Variants in SUN5 observed in about 807,000 individuals in gnomAD.
SUN5 encodes the protein Sad1 and UNC84 domain containing 5.
Under a neutral mutation model 53.7 loss-of-function variants are expected in SUN5, and 44 were observed. The ratio of observed to expected loss-of-function variants is 0.82; its 90% CI spans 0.64 to 1.05. The LOEUF (loss-of-function observed/expected upper bound fraction) is 1.05, where lower values mean the gene tolerates loss of function less well. Ranked by LOEUF, SUN5 falls within the 50% of genes least tolerant of loss-of-function variation. SUN5 has a pLI of 0.00. For synonymous variants in SUN5, 166 were observed against 179.8 expected (o/e 0.92, Z 0.62); for missense variants, 433 against 483.8 (o/e 0.90, Z 0.98).
intron 5 of SUN5, among the ~76,000 whole-genome samples, chr20:32,998,449 C>G (rs1268387612): frequency 1.3e-5 from 2 of 152,114 alleles, no homozygotes; most frequent in African/African-American, 4.8e-5. Context: ...GCCTGGGTGA[C>G]AGAGACTCTG....
intron 2 of SUN5, 92 bp downstream of exon 2, chr20:33,002,768 CT>C: frequency 6.3e-7 from 1 of 1,599,508 alleles, no homozygotes; most frequent in Non-Finnish European, 8.6e-7. Context: ...GCCCCTGCCC[CT>C]TGCTGGGTAG....
chr20:32,988,075 C>T (rs1039553587), intron 9 of SUN5, among the ~76,000 whole-genome samples: 2 of 151,876 alleles, frequency 1.3e-5, no homozygotes, highest in African/African-American at 4.8e-5. Flanking sequence ...CTCATGGTGG[C>T]TATTATTAGC....
At chr20:32,984,969 G>T in intron 12 of SUN5, 130 bp downstream of exon 12, 1 of 922,852 alleles carries the variant, frequency 1.1e-6, no homozygotes, top group Non-Finnish European at 1.7e-6. Context: ...CAGTTTCCTT[G>T]CCTGTCAAAC....
At chr20:32,993,223 G>A (rs118035587) in intron 8 of SUN5, among the ~76,000 whole-genome samples, 4,831 of 152,332 alleles carry the variant, frequency 0.032, 104 homozygotes, top group Non-Finnish European at 0.048. Context: ...CAAAGGCCAG[G>A]AGTTTCCAGA....
intron 7 of SUN5, 48 bp from the exon 8 acceptor site, chr20:32,995,775 T>G: frequency 6.5e-7 from 1 of 1,542,964 alleles, no homozygotes; most frequent in Non-Finnish European, 9.0e-7. Flanking sequence ...TGTGATGCGT[T>G]GTTGTTACCC....
chr20:32,993,417 C>CCAGA (rs1989757627), intron 8 of SUN5, among the ~76,000 whole-genome samples: 1 of 152,140 alleles, frequency 6.6e-6, no homozygotes, highest in African/African-American at 2.4e-5. Flanking sequence ...TGGGCTTAGG[C>CCAGA]CAGACAATGG....
At chr20:32,997,267 C>T (rs958121196) in intron 6 of SUN5, among the ~76,000 whole-genome samples, 1 of 152,142 alleles carries the variant, frequency 6.6e-6, no homozygotes, top group Non-Finnish European at 1.5e-5. Context: ...TCCTCAGAAA[C>T]CTGAAAGCAA....
At chr20:32,996,054 G>A (rs1365421689) in intron 7 of SUN5, among the ~76,000 whole-genome samples, 2 of 152,242 alleles carry the variant, frequency 1.3e-5, no homozygotes, top group East Asian at 1.9e-4. Flanking sequence ...TATGGGTCAG[G>A]AGCTATTCAA....
intron 8 of SUN5, among the ~76,000 whole-genome samples, chr20:32,992,659 A>G (rs1989740658): frequency 6.6e-6 from 1 of 152,232 alleles, no homozygotes; most frequent in Non-Finnish European, 1.5e-5. Context: ...AAGCCACGCT[A>G]TAGCCTGGGA....
rs1349342760 is a variant in SUN5, at chr20:33,003,397, C to G, written c.78-478G>C. ...ACCCACAGAAAACGATGCTTATTCT[C>G]CTTCCCCTAGACGCCACATTTCTGC... On this transcript the variant is annotated intron_variant, in intron 1 of 12. Transcript: ENST00000356173. Among the ~76,000 whole-genome samples the G allele has an allele frequency of 2.6e-5, 4 of 152,070 alleles. No individual in the cohort carries two copies. The East Asian group carries it at 7.7e-4, about 29-fold the overall frequency.
chr20:32,997,705 TAAGA>T lies in SUN5; in HGVS notation c.341-22_341-19del. Reference sequence around the variant, plus strand: ...CCAGAATCCTGTGAGGCCATGAGAATAAGAATGAGCCATTTAACATGCAAGATGA... The same window carrying T: ...CCAGAATCCTGTGAGGCCATGAGAATATGAGCCATTTAACATGCAAGATGA... On this transcript the variant is annotated intron_variant, in intron 5 of 12. Transcript: ENST00000356173. The T allele has an allele frequency of 6.2e-7, 1 of 1,613,630 alleles. No individual in the cohort carries two copies. The highest frequency in any genetic ancestry group is 1.7e-5 in the Admixed American group (1 of 59,980).
intron 10 of SUN5, among the ~76,000 whole-genome samples, chr20:32,987,159 G>C (rs1989566727): frequency 6.6e-6 from 1 of 152,198 alleles, no homozygotes; most frequent in South Asian, 2.1e-4. Flanking sequence ...TCATCTGTGA[G>C]GCAGGATCCT....
chr20:32,985,229 GC>G, intron 11 of SUN5, 44 bp from the exon 12 acceptor site: 1 of 1,582,490 alleles, frequency 6.3e-7, no homozygotes, highest in Middle Eastern at 1.7e-4. Context: ...TACAAGCAGG[GC>G]CCTCAGAGGG....
chr20:32,989,456 G>C (rs375956993), intron 9 of SUN5, among the ~76,000 whole-genome samples, 164 bp downstream of exon 9: 14 of 18,040 alleles, frequency 7.8e-4, no homozygotes, highest in African/African-American at 3.3e-3. Flanking sequence ...CCCCGTCCCA[G>C]AACCCCTTGA....
At chr20:32,991,377 C>T (rs1197446721) in intron 8 of SUN5, among the ~76,000 whole-genome samples, 2 of 152,220 alleles carry the variant, frequency 1.3e-5, no homozygotes, top group Non-Finnish European at 2.9e-5. Context: ...TCTAAGTTTA[C>T]ATGAATTACC....
At chr20:32,994,375 C>T (rs1013589732) in intron 8 of SUN5, among the ~76,000 whole-genome samples, 12 of 152,108 alleles carry the variant, frequency 7.9e-5, no homozygotes, top group African/African-American at 2.9e-4. Context: ...GAGGCAAGAC[C>T]ATATCATTGA....
At chr20:33,000,849 A>T (rs1402216594) in intron 4 of SUN5, among the ~76,000 whole-genome samples, 4 of 151,914 alleles carry the variant, frequency 2.6e-5, no homozygotes, top group Non-Finnish European at 5.9e-5. Context: ...TGTCTAAAAA[A>T]AAAAAAAAAA....
intron 8 of SUN5, among the ~76,000 whole-genome samples, chr20:32,991,387 C>T (rs1989708392): frequency 6.6e-6 from 1 of 152,182 alleles, no homozygotes; most frequent in Non-Finnish European, 1.5e-5. Context: ...CATGAATTAC[C>T]ATGTTTAATC....
chr20:32,988,903 CTTTT>C (rs959539689), intron 9 of SUN5, among the ~76,000 whole-genome samples: 1 of 149,400 alleles, frequency 6.7e-6, no homozygotes. Flanking sequence ...AGCACTGATT[CTTTT>C]TTTTATTATT....
Sources: gnomAD v4.1 joint callset for allele counts (sites outside exome capture counted in the v4.1 genomes callset) on GRCh38, gnomAD v4.1.1 for gene constraint, MANE v1.5 for transcripts, NCBI Gene and HGNC (gene_info 2026-07-23, HGNC 2026-07-21) for gene names.